The following GNG2 variants were observed in gnomAD, a reference collection of about 807,000 sequenced individuals.
The protein encoded by GNG2 is guanine nucleotide-binding protein G(I)/G(S)/G(O) subunit gamma-2.
Under a neutral mutation model 5.5 loss-of-function variants are expected in GNG2, and 5 were observed. The observed-to-expected ratio is 0.91, with a 90% CI of 0.48 to 1.92. The LOEUF (loss-of-function observed/expected upper bound fraction) is 1.92. Ranked by LOEUF, GNG2 falls within the 30% of genes most tolerant of loss-of-function variation. The probability of loss-of-function intolerance (pLI) is 0.01; values close to 1 mark genes in which losing one functional copy is unlikely to be tolerated. For missense variants in GNG2, 55 were observed against 88.4 expected (o/e 0.62, Z 1.52); for synonymous variants, 28 against 32.0 (o/e 0.88, Z 0.42).
intron 3 of GNG2, among the ~76,000 whole-genome samples, chr14:51,958,449 C>A (rs1889400388): frequency 7.4e-6 from 1 of 135,292 alleles, no homozygotes; most frequent in African/African-American, 2.7e-5. Context: ...TCCCCCCCCC[C>A]ATTTATATTT....
intron 2 of GNG2, chr14:51,913,441 G>A (rs1264349400): frequency 6.6e-6 from 1 of 152,272 alleles, no homozygotes; most frequent in East Asian, 1.9e-4. Flanking sequence ...TTGAGCCCGG[G>A]AGTTAGAGGT....
At chr14:51,936,761 T>C (rs1295687980) in intron 2 of GNG2, among the ~76,000 whole-genome samples, 1 of 152,100 alleles carries the variant, frequency 6.6e-6, no homozygotes, top group Non-Finnish European at 1.5e-5. Context: ...CAGGCTGGTC[T>C]TGAACACCTG....
rs577591379 is a variant in GNG2, at chr14:51,901,776, C to T, written c.-30+24119C>T. On this transcript the variant is annotated intron_variant, in intron 2 of 3. Coordinates refer to ENST00000556766, the MANE Select transcript of GNG2 (RefSeq NM_053064.5). Reference sequence around the variant, plus strand: ...GGTGCAGGGGCAGAGTCAGTTGGAGCATAGGCCCTCTGGGAGGCATTAGCA... The same window carrying T: ...GGTGCAGGGGCAGAGTCAGTTGGAGTATAGGCCCTCTGGGAGGCATTAGCA... Among the ~76,000 whole-genome samples, 79 of 152,024 alleles carry T rather than the reference C, an allele frequency of 5.2e-4. 2 individuals are homozygous for T. In the South Asian group the frequency reaches 0.016, roughly 31 times the overall value.
At chr14:51,897,623 A>G (rs1265768232) in intron 2 of GNG2, among the ~76,000 whole-genome samples, 1 of 152,206 alleles carries the variant, frequency 6.6e-6, no homozygotes, top group African/African-American at 2.4e-5. Flanking sequence ...CTTTCCAGGG[A>G]CATAAGCCCA....
intron 2 of GNG2, among the ~76,000 whole-genome samples, chr14:51,836,926 C>T (rs1188179947): frequency 1.4e-5 from 2 of 144,446 alleles, no homozygotes; most frequent in African/African-American, 2.5e-5. Context: ...GGCATGATCT[C>T]GGCTCATTGT....
Position 51,854,541 on chromosome 14 carries a change from G to A in GNG2, c.64+26734G>A, listed in dbSNP as rs909813392. 5.7e-4 allele frequency among the ~76,000 whole-genome samples: 86 copies of A among 151,814 alleles called. 3 individuals carry two copies. The highest frequency in any genetic ancestry group is 1.5e-5 in the Non-Finnish European group (1 of 67,950). On this transcript the variant is annotated intron_variant, in intron 2 of 3. Coordinates refer to the GNG2 transcript ENST00000553432. Reference sequence around the variant, plus strand: ...ATTTTTATTTTTTAGGTAGAGTCTTGCTTTGTTGCCCAGGCTGGAGTGCAG... The same window carrying A: ...ATTTTTATTTTTTAGGTAGAGTCTTACTTTGTTGCCCAGGCTGGAGTGCAG...
intron 2 of GNG2, among the ~76,000 whole-genome samples, chr14:51,899,844 A>T (rs1463017075): frequency 6.6e-6 from 1 of 152,196 alleles, no homozygotes; most frequent in Non-Finnish European, 1.5e-5. Flanking sequence ...CAGAATTTCC[A>T]TTCTTTTCAC....
At chr14:51,950,369 A>G (rs1371499542) in intron 2 of GNG2, among the ~76,000 whole-genome samples, 1 of 152,178 alleles carries the variant, frequency 6.6e-6, no homozygotes, top group Admixed American at 6.5e-5. Context: ...AACCAGAAGG[A>G]TGGGGTTTGA....
intron 2 of GNG2, among the ~76,000 whole-genome samples, chr14:51,880,351 TGGA>T (rs910261258): frequency 2.0e-5 from 3 of 152,214 alleles, no homozygotes; most frequent in Admixed American, 1.3e-4. Flanking sequence ...ATGTGGAAAT[TGGA>T]GGAAAAAATA....
chr14:51,915,339 A>T (rs1886553959), intron 2 of GNG2, among the ~76,000 whole-genome samples: 1 of 152,216 alleles, frequency 6.6e-6, no homozygotes, highest in Non-Finnish European at 1.5e-5. Flanking sequence ...GAGGGAGAGG[A>T]TGCATTTCAG....
At chr14:51,939,769 T>G (rs778170859) in intron 2 of GNG2, 1 of 149,050 alleles carries the variant, frequency 6.7e-6, no homozygotes, top group African/African-American at 2.5e-5. Flanking sequence ...TTGCTCTCCC[T>G]GTGCCATACA....
At chr14:51,861,988 C>T (rs764202078) in intron 1 of GNG2, among the ~76,000 whole-genome samples, 1 of 152,156 alleles carries the variant, frequency 6.6e-6, no homozygotes, top group Non-Finnish European at 1.5e-5. Flanking sequence ...TATTTTGACA[C>T]TCACAGATTC....
At chr14:51,898,546 CTG>C (rs1885349966) in intron 2 of GNG2, among the ~76,000 whole-genome samples, 2 of 152,172 alleles carry the variant, frequency 1.3e-5, no homozygotes, top group South Asian at 4.1e-4. Flanking sequence ...AAAGAGGAAA[CTG>C]TTAAATAACA....
intron 2 of GNG2, among the ~76,000 whole-genome samples, chr14:51,898,553 A>G (rs1287077682): frequency 5.3e-5 from 8 of 152,264 alleles, no homozygotes; most frequent in African/African-American, 1.9e-4. Context: ...AAACTGTTAA[A>G]TAACAGCTCC....
chr14:51,865,000 G>A (rs1200333148), intron 1 of GNG2, among the ~76,000 whole-genome samples: 1 of 152,124 alleles, frequency 6.6e-6, no homozygotes, highest in Non-Finnish European at 1.5e-5. Flanking sequence ...GGCAGGGTAT[G>A]GTGAGGCTGA....
chr14:51,964,908 A>G lies in GNG2; in HGVS notation c.88-1651A>G, dbSNP rs1285794582. 2.0e-5 allele frequency among the ~76,000 whole-genome samples: 3 copies of G among 152,204 alleles called. No homozygotes were observed. In the East Asian group the frequency reaches 5.8e-4, roughly 29 times the overall value. ...CAGCTACTCAGGAGGCTGAGGCAGG[A>G]GTGACAAAGCTTTAATCAACTCAGC... On this transcript the variant is annotated intron_variant, in intron 3 of 3. Coordinates refer to ENST00000556766, the MANE Select transcript of GNG2 (RefSeq NM_053064.5).
chr14:51,831,100 C>T (rs1321909546), intron 2 of GNG2, among the ~76,000 whole-genome samples: 1 of 152,188 alleles, frequency 6.6e-6, no homozygotes, highest in Non-Finnish European at 1.5e-5. Flanking sequence ...AAATGCTCCT[C>T]CTCCAGATCT....
intron 2 of GNG2, among the ~76,000 whole-genome samples, chr14:51,941,550 G>C (rs1172434352): frequency 2.0e-5 from 3 of 152,188 alleles, no homozygotes; most frequent in Non-Finnish European, 4.4e-5. Context: ...AGGGAAGTCT[G>C]TCTGGATGCC....
At chr14:51,922,216 A>G (rs1887056127) in intron 2 of GNG2, among the ~76,000 whole-genome samples, 1 of 152,230 alleles carries the variant, frequency 6.6e-6, no homozygotes, top group Admixed American at 6.5e-5. Flanking sequence ...TAAAAGAGAG[A>G]GAAACTACTT....
Sources: allele counts gnomAD v4.1 joint callset (sites outside exome capture counted in the v4.1 genomes callset), GRCh38; gene constraint gnomAD v4.1.1; transcripts MANE v1.5; gene names NCBI Gene and HGNC (gene_info 2026-07-23, HGNC 2026-07-21).